ENOX1: variants seen among roughly 807,000 people sequenced by gnomAD.
ENOX1 encodes candidate growth-related and time keeping constitutive hydroquinone (NADH) oxidase.
Under a neutral mutation model 82.5 loss-of-function variants are expected in ENOX1, and 42 were observed. That is an observed-to-expected ratio of 0.51 (90% CI 0.40 to 0.66). The LOEUF is 0.66. Among genes scored for constraint, ENOX1 ranks in the 30% least tolerant of loss-of-function variants. The pLI is 0.00. For synonymous variants in ENOX1, 271 were observed against 282.2 expected (o/e 0.96, Z 0.40); for missense variants, 608 against 811.6 (o/e 0.75, Z 3.05).
At chr13:43,600,232 G>A (rs926527739) in intron 2 of ENOX1, among the ~76,000 whole-genome samples, 2 of 152,186 alleles carry the variant, frequency 1.3e-5, no homozygotes, top group African/African-American at 4.8e-5. Flanking sequence ...GCTGGCTCTT[G>A]TGGTTCTCAA....
chr13:43,511,985 AATAT>A (rs980267940), intron 2 of ENOX1, among the ~76,000 whole-genome samples: 5 of 152,100 alleles, frequency 3.3e-5, no homozygotes, highest in Non-Finnish European at 5.9e-5. Flanking sequence ...CACTATGGAC[AATAT>A]ATATAGTATC....
At chr13:43,763,291 T>C (rs951776247) in intron 1 of ENOX1, among the ~76,000 whole-genome samples, 7 of 152,138 alleles carry the variant, frequency 4.6e-5, no homozygotes, top group African/African-American at 1.4e-4. Flanking sequence ...CGGTGTCTGG[T>C]GAGGGCCCAC....
intron 2 of ENOX1, among the ~76,000 whole-genome samples, chr13:43,632,976 C>A (rs1371793376): frequency 1.3e-5 from 2 of 152,040 alleles, no homozygotes; most frequent in East Asian, 3.9e-4. Context: ...CAAGTATTTT[C>A]TTCTGCTATC....
chr13:43,409,892 G>T (rs2054017648), intron 5 of ENOX1, among the ~76,000 whole-genome samples: 1 of 152,134 alleles, frequency 6.6e-6, no homozygotes, highest in South Asian at 2.1e-4. Flanking sequence ...TCGGCTGGTG[G>T]CCCTGAGAAC....
chr13:43,353,181 T>C (rs1486200377), intron 8 of ENOX1, among the ~76,000 whole-genome samples: 1 of 152,196 alleles, frequency 6.6e-6, no homozygotes, highest in Admixed American at 6.5e-5. Flanking sequence ...TTCAACGTGC[T>C]CATAGATCCA....
chr13:43,249,714 T>C (rs1593528186), intron 14 of ENOX1, among the ~76,000 whole-genome samples: 1 of 152,294 alleles, frequency 6.6e-6, no homozygotes, highest in East Asian at 1.9e-4. Flanking sequence ...AATTAGGTCA[T>C]AAAAATAGAT....
intron 3 of ENOX1, among the ~76,000 whole-genome samples, chr13:43,448,092 G>T (rs558148824): frequency 6.6e-6 from 1 of 152,290 alleles, no homozygotes; most frequent in East Asian, 1.9e-4. Flanking sequence ...TTGAACAGAA[G>T]TAATTTATGC....
chr13:43,512,767 T>C (rs1015569469), intron 2 of ENOX1, among the ~76,000 whole-genome samples: 4 of 152,110 alleles, frequency 2.6e-5, no homozygotes, highest in East Asian at 1.9e-4. Context: ...CCTGTATTTA[T>C]TGAGAACTTT....
intron 14 of ENOX1, among the ~76,000 whole-genome samples, chr13:43,265,021 C>A (rs2044287232): frequency 6.6e-6 from 1 of 152,180 alleles, no homozygotes; most frequent in South Asian, 2.1e-4. Context: ...CATTTAGGTA[C>A]CACCTTCGCT....
At chr13:43,344,484 AAAAAG>A (rs1361682183) in intron 9 of ENOX1, 49 bp downstream of exon 9, 15 of 1,472,736 alleles carry the variant, frequency 1.0e-5, no homozygotes, top group Non-Finnish European at 1.3e-5. Context: ...AAAATTAATA[AAAAAG>A]AAAAGGCAAA....
chr13:43,328,634 C>T (rs886658480), intron 9 of ENOX1, among the ~76,000 whole-genome samples: 13 of 152,096 alleles, frequency 8.5e-5, no homozygotes, highest in African/African-American at 3.1e-4. Flanking sequence ...TAGTAATGCA[C>T]CTGGAGGAGT....
At chr13:43,231,738 A>G (rs914069925) in intron 15 of ENOX1, among the ~76,000 whole-genome samples, 3 of 152,176 alleles carry the variant, frequency 2.0e-5, no homozygotes, top group Non-Finnish European at 4.4e-5. Context: ...TTTACTACGA[A>G]CCACAGTTCA....
intron 11 of ENOX1, among the ~76,000 whole-genome samples, chr13:43,315,142 C>T (rs1284035560): frequency 6.6e-6 from 1 of 152,164 alleles, no homozygotes; most frequent in African/African-American, 2.4e-5. Flanking sequence ...CCAAAACATT[C>T]TTCTGTAATG....
At chr13:43,657,451 G>C (rs1418489170) in intron 2 of ENOX1, among the ~76,000 whole-genome samples, 1 of 152,158 alleles carries the variant, frequency 6.6e-6, no homozygotes, top group East Asian at 1.9e-4. Context: ...AGGTGCCTCT[G>C]GGCAGATAAC....
chr13:43,244,581 G>A (rs1420166876), intron 14 of ENOX1, among the ~76,000 whole-genome samples: 3 of 152,116 alleles, frequency 2.0e-5, no homozygotes, highest in African/African-American at 7.2e-5. Flanking sequence ...AGAGCTATAG[G>A]TAAGGACAGC....
rs2078000335 is a variant in ENOX1, at chr13:43,526,588, T to C, written c.-218-42436A>G. ...GAACATTTTGGAGTTCAATGTTCTT[T>C]TATATTCTAAAATGAATTAATGCTA... On this transcript the variant is annotated intron_variant, in intron 2 of 16. Coordinates refer to ENST00000690772, the MANE Select transcript of ENOX1 (RefSeq NM_001347969.2). Among the ~76,000 whole-genome samples, 4 of 152,112 alleles carry C rather than the reference T, an allele frequency of 2.6e-5. 1 individual carries two copies. The South Asian group carries it at 8.3e-4, about 32-fold the overall frequency.
intron 6 of ENOX1, among the ~76,000 whole-genome samples, chr13:43,360,839 C>T (rs1001508757): frequency 1.3e-5 from 2 of 152,162 alleles, no homozygotes; most frequent in Admixed American, 6.5e-5. Context: ...ACAATTTGGT[C>T]CAGAAACTCT....
intron 2 of ENOX1, among the ~76,000 whole-genome samples, chr13:43,500,957 C>T (rs2076959770): frequency 6.6e-6 from 1 of 151,548 alleles, no homozygotes; most frequent in Admixed American, 6.6e-5. Context: ...CTTATTACTA[C>T]AAAAGCTCAC....
chr13:43,384,873 T>C (rs2052306261), intron 5 of ENOX1, among the ~76,000 whole-genome samples: 1 of 152,220 alleles, frequency 6.6e-6, no homozygotes, highest in East Asian at 1.9e-4. Flanking sequence ...GGCAGGATAA[T>C]ATACTTGAAA....
Sources: gnomAD v4.1 joint callset for allele counts (sites outside exome capture counted in the v4.1 genomes callset) on GRCh38, gnomAD v4.1.1 for gene constraint, MANE v1.5 for transcripts, NCBI Gene and HGNC (gene_info 2026-07-23, HGNC 2026-07-21) for gene names.